PAM: variants seen among roughly 807,000 people sequenced by gnomAD.
PAM encodes the protein peptidylglycine alpha-amidating monooxygenase.
PAM carries 72 observed loss-of-function variants against 122.1 expected under a neutral mutation model. That is an observed-to-expected ratio of 0.59 (90% confidence interval 0.49 to 0.72). The LOEUF (loss-of-function observed/expected upper bound fraction) is 0.72. Ranked by LOEUF, PAM falls within the 30% of genes least tolerant of loss-of-function variation. The pLI is 0.00. For missense variants in PAM, 1,106 were observed against 1,183.7 expected, an observed-to-expected ratio of 0.93 and a Z score of 0.96; for synonymous variants, 389 against 404.4, an observed-to-expected ratio of 0.96 and a Z score of 0.46.
chr5:102,822,975 CA>C (rs1772461280), intron 1 of PAM, among the ~76,000 whole-genome samples: 1 of 152,096 alleles, frequency 6.6e-6, no homozygotes, highest in Non-Finnish European at 1.5e-5. Context: ...GACTGATGTG[CA>C]ACCAAGAAAC....
chr5:102,997,622 A>C (rs1269108511), intron 16 of PAM, among the ~76,000 whole-genome samples: 1 of 152,072 alleles, frequency 6.6e-6, no homozygotes, highest in Non-Finnish European at 1.5e-5. Flanking sequence ...TTCATTTGCT[A>C]TGTCAAAATT....
chr5:102,770,770 A>G (rs1755533422), intron 1 of PAM, among the ~76,000 whole-genome samples: 2 of 152,022 alleles, frequency 1.3e-5, no homozygotes, highest in South Asian at 4.1e-4. Flanking sequence ...GGATTTTTGT[A>G]TCAATGTTCA....
intron 5 of PAM, among the ~76,000 whole-genome samples, chr5:102,918,347 G>A (rs1746180527): frequency 6.6e-6 from 1 of 152,030 alleles, no homozygotes; most frequent in Non-Finnish European, 1.5e-5. Context: ...TTAATTCAAA[G>A]CATGACAATT....
rs373773400 is a variant in PAM, at chr5:103,023,992, C to A, written c.2486-1139C>A. 5.9e-5 allele frequency among the ~76,000 whole-genome samples: 9 copies of A among 152,176 alleles called. No homozygotes were observed. The South Asian group carries it at 1.2e-3, about 21-fold the overall frequency. ...GTAAACTACTAAGCTGAATCTATAC[C>A]TACTAAACATTAACCAAAGATTTTC... On this transcript the variant is annotated intron_variant, in intron 23 of 25. Transcript: ENST00000438793.
intron 14 of PAM, among the ~76,000 whole-genome samples, chr5:102,968,028 C>T (rs1018627856): frequency 6.6e-6 from 1 of 152,034 alleles, no homozygotes; most frequent in African/African-American, 2.4e-5. Flanking sequence ...CAGCCAAAAA[C>T]TAGTCATTTT....
intron 3 of PAM, among the ~76,000 whole-genome samples, chr5:102,892,921 C>G (rs1795158646): frequency 1.3e-5 from 2 of 151,742 alleles, no homozygotes; most frequent in Non-Finnish European, 2.9e-5. Flanking sequence ...CAGAGTCTCA[C>G]AGTTTATAGA....
intron 16 of PAM, among the ~76,000 whole-genome samples, chr5:103,001,360 C>A (rs1186066230): frequency 6.6e-6 from 1 of 152,002 alleles, no homozygotes; most frequent in East Asian, 1.9e-4. Flanking sequence ...AGTATTCTTA[C>A]ATTGGTTCCT....
At chr5:102,984,528 A>G (rs1055750314) in intron 15 of PAM, among the ~76,000 whole-genome samples, 1 of 152,210 alleles carries the variant, frequency 6.6e-6, no homozygotes, top group Non-Finnish European at 1.5e-5. Flanking sequence ...AGATGAATTC[A>G]GCAAGAGGAT....
chr5:102,767,357 C>T (rs1325878616), intron 1 of PAM, among the ~76,000 whole-genome samples: 1 of 152,052 alleles, frequency 6.6e-6, no homozygotes, highest in Non-Finnish European at 1.5e-5. Flanking sequence ...TAAGATGTCC[C>T]ATTTTATCAG....
intron 3 of PAM, among the ~76,000 whole-genome samples, chr5:102,900,295 A>G (rs1327574854): frequency 6.6e-6 from 1 of 150,902 alleles, no homozygotes. Context: ...AAATCAGCAC[A>G]AATCCTTATT....
intron 3 of PAM, chr5:102,873,292 G>A (rs1415704004): frequency 6.6e-6 from 1 of 152,128 alleles, no homozygotes; most frequent in Non-Finnish European, 1.5e-5. Context: ...TCCCCTCATA[G>A]GCTAGCTTGA....
intron 15 of PAM, among the ~76,000 whole-genome samples, chr5:102,979,736 A>G (rs1228703930): frequency 6.6e-6 from 1 of 152,040 alleles, no homozygotes; most frequent in African/African-American, 2.4e-5. Flanking sequence ...CTCTTTCTGG[A>G]AAAGTATAAT....
chr5:102,943,182 A>G (rs1301756087), intron 7 of PAM, among the ~76,000 whole-genome samples: 1 of 152,206 alleles, frequency 6.6e-6, no homozygotes, highest in African/African-American at 2.4e-5. Flanking sequence ...AACAACCAGG[A>G]CAAGATGAGC....
In PAM at chr5:102,997,314, G is replaced by A. The variant is rs572095435; in HGVS notation, c.1614-5719G>A. 1.9e-4 allele frequency among the ~76,000 whole-genome samples: 29 copies of A among 152,176 alleles called. No homozygotes were observed. In the South Asian group the frequency reaches 5.4e-3, roughly 28 times the overall value. ...TTGGGAGAATTGCTTGAGCCCAGAA[G>A]TTCAAGATCAGCCTGGTCAATATAG... On this transcript the variant is annotated intron_variant, in intron 16 of 25. Coordinates refer to ENST00000438793, the MANE Select transcript of PAM (RefSeq NM_001177306.2).
In PAM at chr5:102,925,004, C is replaced by A; in HGVS notation, c.404C>A (p.Ala135Asp). ...ACAGATAAAGCCAATATTCTGTATG[C>A]CTGGGCGAGAAATGCTCCCCCTACC... ...TCTDKANILY[A>D]WARNAPPTRL... Residue 135 changes from alanine (A) to aspartate (D), a missense_variant, in exon 6 of 26, where the codon GCC becomes GAC. Physicochemically the swap from Ala to Asp is moderately radical, Grantham distance 126. Coordinates refer to ENST00000438793, the MANE Select transcript of PAM (RefSeq NM_001177306.2). The A allele has an allele frequency of 1.3e-6, 2 of 1,596,546 alleles. No individual in the cohort carries two copies. Among genetic ancestry groups the A allele is most frequent in the Non-Finnish European group, 1.7e-6 (2 of 1,164,002 alleles).
chr5:102,824,214 T>G (rs1371058686), intron 1 of PAM, among the ~76,000 whole-genome samples: 1 of 152,190 alleles, frequency 6.6e-6, no homozygotes, highest in Non-Finnish European at 1.5e-5. Context: ...TTCATAAATA[T>G]TTAAGAAAAT....
chr5:102,789,061 C>T (rs752965576), intron 1 of PAM, among the ~76,000 whole-genome samples: 1 of 152,012 alleles, frequency 6.6e-6, no homozygotes, highest in Non-Finnish European at 1.5e-5. Context: ...CTAATACTGG[C>T]ATTATTGGGA....
chr5:102,964,763 T>C (rs1763549352), intron 14 of PAM, among the ~76,000 whole-genome samples: 1 of 151,790 alleles, frequency 6.6e-6, no homozygotes, highest in Non-Finnish European at 1.5e-5. Flanking sequence ...TTATTTTAAT[T>C]ATAATGTATA....
chr5:102,999,906 CAT>C (rs1776875090), intron 16 of PAM, among the ~76,000 whole-genome samples: 1 of 152,200 alleles, frequency 6.6e-6, no homozygotes, highest in Non-Finnish European at 1.5e-5. Flanking sequence ...GAAGACCTCT[CAT>C]ATGCCCTGGA....
Sources: gnomAD v4.1 joint callset for allele counts (sites outside exome capture counted in the v4.1 genomes callset) on GRCh38, gnomAD v4.1.1 for gene constraint, MANE v1.5 for transcripts, NCBI Gene and HGNC (gene_info 2026-07-23, HGNC 2026-07-21) for gene names.